The following WDPCP variants were observed in gnomAD, a reference collection of about 807,000 sequenced individuals.
The protein encoded by WDPCP is WD repeat containing planar cell polarity effector, also known as WD repeat-containing and planar cell polarity effector protein fritz homolog.
Under a neutral mutation model 93.1 loss-of-function variants are expected in WDPCP, and 71 were observed. The ratio of observed to expected loss-of-function variants is 0.76; its 90% CI spans 0.63 to 0.93. The LOEUF (loss-of-function observed/expected upper bound fraction) is 0.93. Among genes scored for constraint, WDPCP ranks in the 40% least tolerant of loss-of-function variants. WDPCP has a pLI of 0.00. For missense variants in WDPCP, 844 were observed against 887.4 expected (o/e 0.95, Z 0.62); for synonymous variants, 315 against 315.0 (o/e 1.00, Z 0.00).
chr2:63,531,832 C>A (rs1214996155), intron 1 of WDPCP, among the ~76,000 whole-genome samples: 1 of 152,164 alleles, frequency 6.6e-6, no homozygotes, highest in African/African-American at 2.4e-5. Flanking sequence ...TCCTCGCCAG[C>A]AGCAGAACAA....
chr2:63,584,025 T>C lies in WDPCP; in HGVS notation c.75+4172A>G, dbSNP rs376584810. 5.3e-5 allele frequency among the ~76,000 whole-genome samples: 8 copies of C among 152,126 alleles called. No individual in the cohort carries two copies. The East Asian group carries it at 7.7e-4, about 15-fold the overall frequency. ...AAAAATAAAACCAGGCTATGTGCAG[T>C]GGTTCATGCCTATAATACCAGCGCT... On this transcript the variant is annotated intron_variant, in intron 1 of 17. Transcript: ENST00000272321.
At chr2:63,471,992 C>T (rs1419004473) in intron 6 of WDPCP, among the ~76,000 whole-genome samples, 1 of 151,942 alleles carries the variant, frequency 6.6e-6, no homozygotes, top group Non-Finnish European at 1.5e-5. Flanking sequence ...GCACAATGTG[C>T]AGGTTACATA....
chr2:63,458,115 T>G (rs1211000619), intron 6 of WDPCP, among the ~76,000 whole-genome samples: 1 of 131,528 alleles, frequency 7.6e-6, no homozygotes, highest in African/African-American at 3.0e-5. Flanking sequence ...AGTGTGAGAC[T>G]CCGTCTCAAA....
At chr2:63,427,581 G>A (rs185449142) in intron 9 of WDPCP, among the ~76,000 whole-genome samples, 99 of 152,056 alleles carry the variant, frequency 6.5e-4, no homozygotes, top group African/African-American at 2.3e-3. Flanking sequence ...TGGGTGAAAG[G>A]AATGTTAAGA....
At chr2:63,792,632 A>T (rs1420067758) in intron 2 of WDPCP, among the ~76,000 whole-genome samples, 1 of 152,210 alleles carries the variant, frequency 6.6e-6, no homozygotes, top group East Asian at 1.9e-4. Flanking sequence ...CTCCTGGCAG[A>T]GCATGAAAGA....
intron 2 of WDPCP, among the ~76,000 whole-genome samples, chr2:63,719,665 C>G (rs1375347274): frequency 6.6e-6 from 1 of 151,856 alleles, no homozygotes; most frequent in Non-Finnish European, 1.5e-5. Flanking sequence ...ACAACTTGTT[C>G]CCAAGAATGT....
At chr2:63,315,400 A>G (rs1419636099) in intron 12 of WDPCP, among the ~76,000 whole-genome samples, 1 of 131,678 alleles carries the variant, frequency 7.6e-6, no homozygotes, top group Non-Finnish European at 1.6e-5. Context: ...TTTCACAGAA[A>G]CAAACAAATT....
chr2:63,837,636 C>T, the WDPCP span, among the ~76,000 whole-genome samples: 2 of 152,320 alleles, frequency 1.3e-5, no homozygotes, highest in African/African-American at 4.8e-5. Flanking sequence ...CTACACCACT[C>T]CTTATTAGAT....
chr2:63,797,446 G>A (rs1670632933), intron 2 of WDPCP, among the ~76,000 whole-genome samples: 1 of 152,000 alleles, frequency 6.6e-6, no homozygotes, highest in Non-Finnish European at 1.5e-5. Context: ...CCAGGCCAGA[G>A]GGGAGCACAC....
At chr2:63,166,267 A>T (rs1358357082) in intron 15 of WDPCP, among the ~76,000 whole-genome samples, 1 of 151,934 alleles carries the variant, frequency 6.6e-6, no homozygotes, top group Non-Finnish European at 1.5e-5. Flanking sequence ...GGGTTTCACC[A>T]TGTTGGCCAG....
At chr2:63,693,482 GATA>G (rs1668919080) in intron 2 of WDPCP, among the ~76,000 whole-genome samples, 1 of 151,122 alleles carries the variant, frequency 6.6e-6, no homozygotes, top group Non-Finnish European at 1.5e-5. Flanking sequence ...TAGATAGATA[GATA>G]GAATTTAATG....
intron 2 of WDPCP, among the ~76,000 whole-genome samples, chr2:63,674,820 A>G (rs990139311): frequency 6.6e-6 from 1 of 152,146 alleles, no homozygotes; most frequent in Non-Finnish European, 1.5e-5. Flanking sequence ...AAAATACTCA[A>G]TCTTGCCTCA....
intron 2 of WDPCP, among the ~76,000 whole-genome samples, chr2:63,724,726 T>C (rs936965447): frequency 1.3e-5 from 2 of 152,222 alleles, no homozygotes; most frequent in African/African-American, 4.8e-5. Flanking sequence ...AAAACTCTAC[T>C]AGCAAGCAAT....
chr2:63,428,362 C>A (rs924465026), intron 9 of WDPCP, among the ~76,000 whole-genome samples: 2 of 152,080 alleles, frequency 1.3e-5, no homozygotes, highest in Non-Finnish European at 2.9e-5. Flanking sequence ...CCAAATCCAG[C>A]AGTACATCAA....
At position 63,121,909 on chromosome 2, in the gene WDPCP, T is replaced by C; in HGVS notation, c.*97A>G. ...CTTAACTAATTTATATGATTCATAC[T>C]GTCTCTTGTTAAAAATCCACACGGG... On this transcript the variant is annotated 3_prime_UTR_variant, in exon 18 of 18. Transcript: ENST00000272321. The C allele has an allele frequency of 6.3e-7, 1 of 1,581,868 alleles. No homozygotes were observed. The highest frequency in any genetic ancestry group is 1.9e-5 in the Admixed American group (1 of 52,688).
intron 1 of WDPCP, among the ~76,000 whole-genome samples, chr2:63,577,490 TC>T (rs1305822261): frequency 6.6e-6 from 1 of 152,176 alleles, no homozygotes; most frequent in Non-Finnish European, 1.5e-5. Flanking sequence ...TTATCCCATT[TC>T]AAGCATGACC....
At chr2:63,221,997 T>A (rs1004853649) in intron 14 of WDPCP, among the ~76,000 whole-genome samples, 5 of 152,156 alleles carry the variant, frequency 3.3e-5, no homozygotes, top group African/African-American at 2.4e-5. Flanking sequence ...TTTCCCATAG[T>A]TGGAGAGAAC....
At chr2:63,455,735 G>T (rs1261173931) in intron 6 of WDPCP, among the ~76,000 whole-genome samples, 1 of 152,072 alleles carries the variant, frequency 6.6e-6, no homozygotes. Context: ...ATAATAGTAG[G>T]AGGCATCAAC....
At chr2:63,748,264 C>T (rs943481264) in intron 2 of WDPCP, among the ~76,000 whole-genome samples, 1 of 151,600 alleles carries the variant, frequency 6.6e-6, no homozygotes, top group African/African-American at 2.4e-5. Context: ...TCTTCAGTGA[C>T]TTGTACATAC....
Sources: gnomAD v4.1 joint callset for allele counts (sites outside exome capture counted in the v4.1 genomes callset) on GRCh38, gnomAD v4.1.1 for gene constraint, MANE v1.5 for transcripts, NCBI Gene and HGNC (gene_info 2026-07-23, HGNC 2026-07-21) for gene names.